Variants in NEBL observed in about 807,000 individuals in gnomAD.
The protein encoded by NEBL is nebulette.
Under a neutral mutation model 140.2 loss-of-function variants are expected in NEBL, and 122 were observed. That is an observed-to-expected ratio of 0.87 (90% CI 0.75 to 1.01). The LOEUF (loss-of-function observed/expected upper bound fraction) is 1.01, where lower values mean the gene tolerates loss of function less well. NEBL is among the 50% of genes least tolerant of loss of function. The pLI is 0.00. For synonymous variants in NEBL, 436 were observed against 398.9 expected (o/e 1.09, Z -1.11); for missense variants, 1,365 against 1,231.3 (o/e 1.11, Z -1.62).
chr10:20,861,908 T>C (rs557237840), intron 7 of NEBL, among the ~76,000 whole-genome samples: 6 of 152,294 alleles, frequency 3.9e-5, no homozygotes, highest in Admixed American at 2.0e-4. Flanking sequence ...AAATGCACCA[T>C]ATACCCCTAA....
chr10:20,940,770 C>G (rs946093870), intron 4 of NEBL, among the ~76,000 whole-genome samples: 49 of 151,954 alleles, frequency 3.2e-4, no homozygotes, highest in Admixed American at 1.4e-3. Flanking sequence ...ACCAATCCCA[C>G]AGAAATACAA....
At chr10:20,903,326 C>G (rs765494564) in intron 4 of NEBL, among the ~76,000 whole-genome samples, 82 of 152,090 alleles carry the variant, frequency 5.4e-4, no homozygotes, top group Non-Finnish European at 9.4e-4. Context: ...TACGGCCTTA[C>G]CCTGGTCAGA....
intron 2 of NEBL, among the ~76,000 whole-genome samples, chr10:21,116,808 T>C (rs1171933198): frequency 1.3e-5 from 2 of 152,068 alleles, no homozygotes; most frequent in African/African-American, 4.8e-5. Flanking sequence ...CAGCTGGGAC[T>C]ACAGGTGTGC....
chr10:21,275,968 C>CTTT (rs35122753), intron 1 of NEBL, among the ~76,000 whole-genome samples: 6 of 124,336 alleles, frequency 4.8e-5, no homozygotes, highest in African/African-American at 3.0e-5. Flanking sequence ...CCAGCCCTTT[C>CTTT]TTTTTTTTTT....
Position 20,785,040 on chromosome 10 carries a change from A to G in NEBL, c.*707T>C, listed in dbSNP as rs1425077456. ...TGACATTATAATTTGCCCTTTGCAG[A>G]GTAGCTGTGAAGTTATTTGGTCCTG... On this transcript the variant is annotated 3_prime_UTR_variant, in exon 28 of 28. Transcript: ENST00000377122. 6.5e-6 allele frequency: 1 copy of G among 153,010 alleles called. No homozygotes were observed. The highest frequency in any genetic ancestry group is 2.4e-5 in the African/African-American group (1 of 41,460). The allele number at this position is 153,010 out of a possible 1,614,324, so 9.5% of individuals were successfully genotyped here. A position where few individuals can be genotyped will look rare whatever the true frequency, so the allele number is the denominator to read the frequency against.
intron 4 of NEBL, among the ~76,000 whole-genome samples, chr10:20,942,881 A>G (rs981428322): frequency 1.1e-4 from 16 of 152,258 alleles, no homozygotes; most frequent in Non-Finnish European, 2.4e-4. Context: ...AATCAAAACC[A>G]CAATGAGATA....
chr10:21,189,610 G>A (rs1047183269), intron 3 of NEBL, among the ~76,000 whole-genome samples: 11 of 152,058 alleles, frequency 7.2e-5, no homozygotes, highest in Admixed American at 1.3e-4. Context: ...GACTACAGGC[G>A]CCCGCCACCG....
At position 20,845,327 on chromosome 10, in the gene NEBL, C is replaced by T. The variant is rs780490996; in HGVS notation, c.1158G>A (p.Arg386=). The T allele has an allele frequency of 6.2e-7, 1 of 1,605,902 alleles. No homozygotes were observed. Reference sequence around the variant, plus strand: ...GAGTCTTGTCTAAATCCAGTGATGACCTTCCTTTAATCTCCTTCTCAAAAT... The same window carrying T: ...GAGTCTTGTCTAAATCCAGTGATGATCTTCCTTTAATCTCCTTCTCAAAAT... The part of the protein sequence containing the change: ...KEDFEKEIKG[R]SSLDLDKTPE... Residue 386 remains arginine, a synonymous_variant, in exon 12 of 28, where the codon AGG becomes AGA. Coordinates refer to ENST00000377122, the MANE Select transcript of NEBL (RefSeq NM_006393.3).
At chr10:20,865,885 A>G (rs1844230783) in intron 7 of NEBL, among the ~76,000 whole-genome samples, 1 of 152,026 alleles carries the variant, frequency 6.6e-6, no homozygotes, top group Admixed American at 6.6e-5. Context: ...TTTCATTCCT[A>G]CTGTCACAGA....
chr10:20,942,651 TGA>T (rs1834936219), intron 4 of NEBL, among the ~76,000 whole-genome samples: 2 of 151,986 alleles, frequency 1.3e-5, no homozygotes, highest in Non-Finnish European at 2.9e-5. Flanking sequence ...AGTGAACAGG[TGA>T]CCTACAGAAT....
intron 13 of NEBL, among the ~76,000 whole-genome samples, chr10:20,838,070 T>C (rs1841061418): frequency 6.6e-6 from 1 of 152,186 alleles, no homozygotes; most frequent in East Asian, 1.9e-4. Context: ...CTGCAGCCCA[T>C]GGATCAAGGA....
intron 4 of NEBL, among the ~76,000 whole-genome samples, chr10:20,951,877 A>G (rs45498799): frequency 0.018 from 2,782 of 152,316 alleles, 52 homozygotes; most frequent in Non-Finnish European, 0.025. Flanking sequence ...TGCATCATGC[A>G]CTGGAAATTG....
intron 3 of NEBL, among the ~76,000 whole-genome samples, chr10:21,185,624 G>A (rs1157936710): frequency 1.3e-5 from 2 of 148,742 alleles, no homozygotes; most frequent in Non-Finnish European, 1.5e-5. Flanking sequence ...TCAGCCTCCC[G>A]AGTAGCTGGG....
At chr10:21,146,255 C>T in intron 2 of NEBL, 10 of 1,036,704 alleles carry the variant, frequency 9.6e-6, no homozygotes, top group South Asian at 8.0e-5. Flanking sequence ...TACAGCTGCA[C>T]GTGTCAGGCA....
At chr10:20,982,218 G>A (rs1287021892) in intron 3 of NEBL, among the ~76,000 whole-genome samples, 11 of 151,130 alleles carry the variant, frequency 7.3e-5, no homozygotes, top group Admixed American at 5.2e-4. Flanking sequence ...CAGAAAATTC[G>A]GAAACATCGT....
At chr10:21,094,159 C>A (rs1306856753) in intron 2 of NEBL, among the ~76,000 whole-genome samples, 1 of 151,998 alleles carries the variant, frequency 6.6e-6, no homozygotes, top group Non-Finnish European at 1.5e-5. Context: ...GAGTTCAAGA[C>A]CAGCCTGGCC....
At chr10:20,991,164 A>G (rs1046432534) in intron 3 of NEBL, among the ~76,000 whole-genome samples, 2 of 152,202 alleles carry the variant, frequency 1.3e-5, no homozygotes, top group African/African-American at 4.8e-5. Context: ...GAAATGTTCT[A>G]GACTTCATTC....
At chr10:21,041,687 T>C (rs573292904) in intron 2 of NEBL, among the ~76,000 whole-genome samples, 2 of 151,926 alleles carry the variant, frequency 1.3e-5, no homozygotes, top group Non-Finnish European at 2.9e-5. Context: ...AAAATAAAAA[T>C]AAAAAAATAG....
At chr10:21,063,961 A>G (rs1002583040) in intron 2 of NEBL, among the ~76,000 whole-genome samples, 1 of 152,028 alleles carries the variant, frequency 6.6e-6, no homozygotes, top group Non-Finnish European at 1.5e-5. Context: ...GTTCCTAGCT[A>G]CCAGGAAGGC....
Sources: allele counts gnomAD v4.1 joint callset (sites outside exome capture counted in the v4.1 genomes callset), GRCh38; gene constraint gnomAD v4.1.1; transcripts MANE v1.5; gene names NCBI Gene and HGNC (gene_info 2026-07-23, HGNC 2026-07-21).